SUCLG2: variants seen among roughly 807,000 people sequenced by gnomAD.
The protein encoded by SUCLG2 is succinate-CoA ligase GDP-forming subunit beta.
A neutral mutation model predicts 47.9 loss-of-function variants in SUCLG2; 42 were observed. The ratio of observed to expected loss-of-function variants is 0.88; its 90% CI spans 0.69 to 1.14. SUCLG2 has a LOEUF of 1.14. Among genes scored for constraint, SUCLG2 ranks in the 50% most tolerant of loss-of-function variants. SUCLG2 has a pLI of 0.00. For missense variants in SUCLG2, 571 were observed against 525.9 expected, an observed-to-expected ratio of 1.09 and a Z score of -0.84; for synonymous variants, 195 against 197.3, an observed-to-expected ratio of 0.99 and a Z score of 0.10.
At chr3:67,479,568 T>C (rs1446228668) in intron 9 of SUCLG2, among the ~76,000 whole-genome samples, 1 of 152,306 alleles carries the variant, frequency 6.6e-6, no homozygotes, top group East Asian at 1.9e-4. Flanking sequence ...TTGTACTCTG[T>C]AGCAAGAATA....
intron 9 of SUCLG2, among the ~76,000 whole-genome samples, chr3:67,459,721 A>G (rs1005593675): frequency 5.9e-5 from 9 of 152,246 alleles, no homozygotes; most frequent in African/African-American, 1.9e-4. Context: ...ACTTAAACAT[A>G]CAAGGATTTA....
At chr3:67,380,768 G>T (rs2106767642) in intron 10 of SUCLG2, among the ~76,000 whole-genome samples, 1 of 152,038 alleles carries the variant, frequency 6.6e-6, no homozygotes, top group South Asian at 2.1e-4. Flanking sequence ...AGCTCAAAAA[G>T]GAACAGACAT....
intron 9 of SUCLG2, among the ~76,000 whole-genome samples, chr3:67,424,641 C>G (rs993525357): frequency 6.6e-6 from 1 of 152,106 alleles, no homozygotes; most frequent in African/African-American, 2.4e-5. Flanking sequence ...TCTTAAAATA[C>G]AATAATCCAC....
intron 9 of SUCLG2, among the ~76,000 whole-genome samples, chr3:67,417,929 T>C (rs749858357): frequency 2.0e-5 from 3 of 152,186 alleles, no homozygotes; most frequent in Non-Finnish European, 4.4e-5. Flanking sequence ...TTAATCTTTA[T>C]ACTGGGGGAC....
chr3:67,434,736 C>A (rs1286996845), intron 9 of SUCLG2, among the ~76,000 whole-genome samples: 1 of 152,150 alleles, frequency 6.6e-6, no homozygotes, highest in Non-Finnish European at 1.5e-5. Context: ...AAATGTATTT[C>A]CTTCTTTATC....
chr3:67,589,792 G>T (rs191027777), intron 2 of SUCLG2, among the ~76,000 whole-genome samples: 3 of 152,188 alleles, frequency 2.0e-5, no homozygotes, highest in South Asian at 2.1e-4. Context: ...AGCTGGGGGC[G>T]GAAAGAGGAA....
At chr3:67,570,541 C>T (rs970675300) in intron 2 of SUCLG2, among the ~76,000 whole-genome samples, 1 of 152,126 alleles carries the variant, frequency 6.6e-6, no homozygotes, top group Non-Finnish European at 1.5e-5. Flanking sequence ...AGGGGCTGGG[C>T]ATGACAGAAA....
chr3:67,558,624 T>C (rs1707224592), intron 2 of SUCLG2, among the ~76,000 whole-genome samples: 2 of 152,210 alleles, frequency 1.3e-5, no homozygotes, highest in African/African-American at 4.8e-5. Flanking sequence ...CAGAAACAGA[T>C]GATTTCCGGT....
At chr3:67,367,787 C>T (rs536771212) in intron 10 of SUCLG2, among the ~76,000 whole-genome samples, 1 of 152,198 alleles carries the variant, frequency 6.6e-6, no homozygotes, top group Admixed American at 6.5e-5. Context: ...ACAAAGTCAC[C>T]CATTTTTCTT....
At chr3:67,580,894 T>C (rs1707863929) in intron 2 of SUCLG2, among the ~76,000 whole-genome samples, 1 of 152,180 alleles carries the variant, frequency 6.6e-6, no homozygotes, top group Non-Finnish European at 1.5e-5. Context: ...GAGCTGTTTA[T>C]AATAGGGGGA....
At chr3:67,403,111 A>G (rs1702724448) in intron 9 of SUCLG2, among the ~76,000 whole-genome samples, 1 of 152,138 alleles carries the variant, frequency 6.6e-6, no homozygotes. Context: ...TTAAAAATAG[A>G]TACTCTTCAT....
At chr3:67,371,794 T>C (rs997154427), downstream of SUCLG2, among the ~76,000 whole-genome samples, 4 of 152,156 alleles carry the variant, frequency 2.6e-5, no homozygotes, top group African/African-American at 7.2e-5. Context: ...CAAAGACCAG[T>C]GGCTTTTGAC....
rs147015394 is a variant in SUCLG2 at position 67,649,400 on chromosome 3, C to T, written c.84+5103G>A. Among the ~76,000 whole-genome samples the T allele has an allele frequency of 2.7e-3, 405 of 152,326 alleles. 4 individuals are homozygous for T. The highest frequency in any genetic ancestry group is 9.1e-3 in the African/African-American group (380 of 41,560). ...TAAAGAATGAGCTGTAATAAGCATT[C>T]AGAAAATATTTGCTACATAAATGAT... is the stretch of plus-strand genomic sequence containing the variant. On this transcript the variant is annotated intron_variant, in intron 1 of 10. Coordinates refer to ENST00000307227, the MANE Select transcript of SUCLG2 (RefSeq NM_003848.4).
intron 9 of SUCLG2, among the ~76,000 whole-genome samples, chr3:67,437,415 G>C (rs2106901860): frequency 1.3e-5 from 2 of 152,252 alleles, no homozygotes; most frequent in Admixed American, 1.3e-4. Context: ...ACCAGACATG[G>C]ACTACAAGGC....
At chr3:67,608,077 G>A (rs1700456728) in intron 2 of SUCLG2, among the ~76,000 whole-genome samples, 2 of 152,300 alleles carry the variant, frequency 1.3e-5, no homozygotes, top group Admixed American at 6.5e-5. Flanking sequence ...AGGCAAGGAC[G>A]GAGAAGGTAC....
chr3:67,625,834 A>C (rs1700816287), intron 1 of SUCLG2, among the ~76,000 whole-genome samples: 1 of 152,092 alleles, frequency 6.6e-6, no homozygotes, highest in South Asian at 2.1e-4. Flanking sequence ...TGAATGTAAG[A>C]CTGGACCAAG....
chr3:67,533,258 T>G (rs1346243205), intron 2 of SUCLG2, among the ~76,000 whole-genome samples: 2 of 152,248 alleles, frequency 1.3e-5, no homozygotes, highest in African/African-American at 4.8e-5. Flanking sequence ...AGCTGGTTTT[T>G]ATTCAGCATT....
At chr3:67,397,750 C>T (rs116804776) in intron 10 of SUCLG2, among the ~76,000 whole-genome samples, 7,921 of 152,238 alleles carry the variant, frequency 0.052, 257 homozygotes, top group Middle Eastern at 0.12. Flanking sequence ...GGAGGCATCA[C>T]GCTACCTCAG....
At chr3:67,499,348 T>C (rs1705435737) in intron 7 of SUCLG2, among the ~76,000 whole-genome samples, 3 of 152,110 alleles carry the variant, frequency 2.0e-5, no homozygotes, top group Admixed American at 6.5e-5. Flanking sequence ...GCAATAACAA[T>C]CCTTAAAACA....
Sources: allele counts gnomAD v4.1 joint callset (sites outside exome capture counted in the v4.1 genomes callset), GRCh38; gene constraint gnomAD v4.1.1; transcripts MANE v1.5; gene names NCBI Gene and HGNC (gene_info 2026-07-23, HGNC 2026-07-21).